Variants in PTPN13 observed in about 807,000 individuals in gnomAD.
PTPN13 encodes protein tyrosine phosphatase non-receptor type 13.
A neutral mutation model predicts 284.0 loss-of-function variants in PTPN13; 191 were observed. The ratio of observed to expected loss-of-function variants is 0.67; its 90% CI spans 0.60 to 0.76. The LOEUF is 0.76. Ranked by LOEUF, PTPN13 falls within the 30% of genes least tolerant of loss-of-function variation. The pLI, the probability that PTPN13 is intolerant of heterozygous loss-of-function variation, is 0.00. For missense variants in PTPN13, 2,797 were observed against 2,939.9 expected, an observed-to-expected ratio of 0.95 and a Z score of 1.12; for synonymous variants, 986 against 1,022.3, an observed-to-expected ratio of 0.96 and a Z score of 0.68.
chr4:86,781,912 G>A (rs535512773), intron 36 of PTPN13, among the ~76,000 whole-genome samples: 4 of 149,818 alleles, frequency 2.7e-5, no homozygotes, highest in South Asian at 2.1e-4. Context: ...GCAGTGAGCC[G>A]AGATCGCACC....
intron 1 of PTPN13, among the ~76,000 whole-genome samples, chr4:86,627,785 A>G (rs1047818376): frequency 1.3e-5 from 2 of 152,288 alleles, no homozygotes; most frequent in East Asian, 3.9e-4. Flanking sequence ...TGTATTTTCT[A>G]TAATTTTGTA....
intron 1 of PTPN13, among the ~76,000 whole-genome samples, chr4:86,610,568 C>A (rs1765174133): frequency 6.6e-6 from 1 of 152,210 alleles, no homozygotes; most frequent in Non-Finnish European, 1.5e-5. Flanking sequence ...AGAGCTCAGA[C>A]TAGATAAAGT....
intron 15 of PTPN13, among the ~76,000 whole-genome samples, chr4:86,737,133 TG>T (rs1735609368): frequency 6.6e-6 from 1 of 151,972 alleles, no homozygotes; most frequent in African/African-American, 2.4e-5. Context: ...CCCAGCTGGT[TG>T]GGAGGCTGAT....
intron 40 of PTPN13, among the ~76,000 whole-genome samples, chr4:86,786,816 A>G (rs1319417106): frequency 6.6e-6 from 1 of 152,144 alleles, no homozygotes; most frequent in Non-Finnish European, 1.5e-5. Flanking sequence ...CAGAAATGTG[A>G]TGTAGGCCGG....
chr4:86,634,259 A>ATATACC (rs1356207889), intron 1 of PTPN13, among the ~76,000 whole-genome samples: 1 of 152,166 alleles, frequency 6.6e-6, no homozygotes, highest in Non-Finnish European at 1.5e-5. Context: ...GAAATATACT[A>ATATACC]TATATGTTAT....
At chr4:86,713,497 T>C (rs1002312424) in intron 7 of PTPN13, among the ~76,000 whole-genome samples, 12 of 152,250 alleles carry the variant, frequency 7.9e-5, no homozygotes, top group African/African-American at 2.9e-4. Flanking sequence ...TTGTTTATTT[T>C]ATCATAAGAC....
At chr4:86,677,612 C>T (rs544610418) in intron 3 of PTPN13, among the ~76,000 whole-genome samples, 16 of 150,424 alleles carry the variant, frequency 1.1e-4, no homozygotes, top group South Asian at 2.1e-4. Context: ...TGTGCCCAGC[C>T]GGTAAATTTA....
chr4:86,638,422 C>G (rs1723322531), intron 2 of PTPN13, among the ~76,000 whole-genome samples: 1 of 152,170 alleles, frequency 6.6e-6, no homozygotes, highest in Non-Finnish European at 1.5e-5. Flanking sequence ...TACCTGACTT[C>G]AAACTATACT....
chr4:86,741,611 A>C, intron 15 of PTPN13, 23 bp from the exon 16 acceptor site: 1 of 1,590,712 alleles, frequency 6.3e-7, no homozygotes, highest in Non-Finnish European at 8.6e-7. Context: ...GTGTATTGCT[A>C]TGGTATGGTA....
chr4:86,713,785 T>TG (rs1414726754), intron 7 of PTPN13, among the ~76,000 whole-genome samples: 1 of 152,142 alleles, frequency 6.6e-6, no homozygotes, highest in Non-Finnish European at 1.5e-5. Flanking sequence ...TATCCTTTCT[T>TG]GGGGCGTGAA....
chr4:86,780,076 G>T lies in PTPN13; in HGVS notation c.5892-326G>T, dbSNP rs534383357. Among the ~76,000 whole-genome samples the T allele has an allele frequency of 4.5e-4, 69 of 152,216 alleles. No individual in the cohort carries two copies. The South Asian group carries it at 0.013, about 28-fold the overall frequency. ...GAAGCCCAGAGAAAACCTACGTAAA[G>T]AAGTGATTCTTAATCTTTTTTGGGT... On this transcript the variant is annotated intron_variant, in intron 35 of 47. Transcript: ENST00000411767.
chr4:86,717,315 A>G (rs2149072681), intron 9 of PTPN13, among the ~76,000 whole-genome samples, 198 bp downstream of exon 9: 1 of 151,360 alleles, frequency 6.6e-6, no homozygotes, highest in African/African-American at 2.4e-5. Context: ...CAGTCTCCCG[A>G]GTAGCTGGGA....
At chr4:86,639,936 T>A (rs1280630244) in intron 2 of PTPN13, among the ~76,000 whole-genome samples, 2 of 152,150 alleles carry the variant, frequency 1.3e-5, no homozygotes, top group Admixed American at 6.6e-5. Flanking sequence ...GACATTGTGA[T>A]GCATGCTAAA....
intron 3 of PTPN13, among the ~76,000 whole-genome samples, chr4:86,682,148 A>G (rs569685940): frequency 1.3e-5 from 2 of 152,240 alleles, no homozygotes; most frequent in African/African-American, 4.8e-5. Context: ...AAAAATGTTG[A>G]CTAAATGGGT....
At chr4:86,783,646 TACC>T (rs1741579784) in intron 37 of PTPN13, among the ~76,000 whole-genome samples, 2 of 152,084 alleles carry the variant, frequency 1.3e-5, no homozygotes, top group African/African-American at 4.8e-5. Flanking sequence ...GATATTATAT[TACC>T]ACTATTTATT....
chr4:86,645,607 T>C lies in PTPN13; in HGVS notation c.115+10236T>C, dbSNP rs573896942. Among the ~76,000 whole-genome samples the C allele has an allele frequency of 2.6e-5, 4 of 152,108 alleles. No homozygotes were observed. The East Asian group carries it at 7.7e-4, about 29-fold the overall frequency. On this transcript the variant is annotated intron_variant, in intron 2 of 47. Coordinates refer to ENST00000411767, the MANE Select transcript of PTPN13 (RefSeq NM_080683.3). ...AAATATGGAATACAAAATTTAACAATATGAAAAAATTAAGAATAAACCTGA... is the reference window on the plus strand; with the variant it reads ...AAATATGGAATACAAAATTTAACAACATGAAAAAATTAAGAATAAACCTGA...
At chr4:86,785,821 C>A in intron 39 of PTPN13, 27 bp from the exon 40 acceptor site, 2 of 1,412,170 alleles carry the variant, frequency 1.4e-6, no homozygotes, top group South Asian at 2.7e-5. Context: ...TTATAAATTC[C>A]TCTTGGCCTA....
intron 16 of PTPN13, among the ~76,000 whole-genome samples, chr4:86,742,126 A>G (rs1017974217): frequency 6.6e-6 from 1 of 152,202 alleles, no homozygotes; most frequent in African/African-American, 2.4e-5. Flanking sequence ...GTAACTTCTC[A>G]CATGGAGAAA....
chr4:86,660,565 A>G (rs147051121), intron 2 of PTPN13, among the ~76,000 whole-genome samples: 3 of 152,146 alleles, frequency 2.0e-5, no homozygotes, highest in African/African-American at 7.2e-5. Context: ...GTTGATTAAG[A>G]GGGTGTATTA....
Sources: gnomAD v4.1 joint callset for allele counts (sites outside exome capture counted in the v4.1 genomes callset) on GRCh38, gnomAD v4.1.1 for gene constraint, MANE v1.5 for transcripts, NCBI Gene and HGNC (gene_info 2026-07-23, HGNC 2026-07-21) for gene names.